Variants in SEM1 observed in about 807,000 individuals in gnomAD.
SEM1 encodes SEM1 26S proteasome subunit, also known as 26S proteasome complex subunit SEM1.
Under a neutral mutation model 12.7 loss-of-function variants are expected in SEM1, and 3 were observed. That is an observed-to-expected ratio of 0.24 (90% CI 0.11 to 0.61). SEM1 has a LOEUF of 0.61. Among genes scored for constraint, SEM1 ranks in the 20% least tolerant of loss-of-function variants. The probability of loss-of-function intolerance (pLI) is 0.88; values close to 1 mark genes in which losing one functional copy is unlikely to be tolerated. For missense variants in SEM1, 59 were observed against 81.3 expected (o/e 0.73, Z 1.06); for synonymous variants, 30 against 27.8 (o/e 1.08, Z -0.25).
At chr7:96,548,303 G>A (rs779054747) in intron 2 of SEM1, among the ~76,000 whole-genome samples, 3 of 152,070 alleles carry the variant, frequency 2.0e-5, no homozygotes, top group Non-Finnish European at 4.4e-5. Flanking sequence ...TCTTTCCTAA[G>A]AGGAGCCAAT....
At chr7:96,682,089 G>T (rs1044393755) in intron 2 of SEM1, among the ~76,000 whole-genome samples, 3 of 152,046 alleles carry the variant, frequency 2.0e-5, no homozygotes, top group Non-Finnish European at 4.4e-5. Flanking sequence ...TCTCCTTGAA[G>T]AGGTCCTTCA....
intron 2 of SEM1, among the ~76,000 whole-genome samples, chr7:96,597,250 A>G (rs1807028343): frequency 1.3e-5 from 2 of 152,178 alleles, no homozygotes; most frequent in Admixed American, 1.3e-4. Context: ...TACGTGAAAT[A>G]ATGCATCTAA....
chr7:96,595,865 C>T (rs931324007), intron 2 of SEM1, among the ~76,000 whole-genome samples: 2 of 152,114 alleles, frequency 1.3e-5, no homozygotes, highest in East Asian at 1.9e-4. Flanking sequence ...TCATAAAACT[C>T]GGTTGCATCC....
At chr7:96,583,728 G>A (rs1212596109) in intron 2 of SEM1, among the ~76,000 whole-genome samples, 2 of 150,710 alleles carry the variant, frequency 1.3e-5, no homozygotes, top group Non-Finnish European at 2.9e-5. Flanking sequence ...ATTATGTAAT[G>A]GCCTTCTTTG....
chr7:96,486,360 C>T (rs555670482), exon 2 of SEM1: 1 of 1,537,050 alleles, frequency 6.5e-7, no homozygotes, highest in Admixed American at 2.0e-5. Context: ...CTTTTTATGC[C>T]ATGCTTTCTT....
At chr7:96,546,725 A>ATTC (rs1805113881) in intron 2 of SEM1, among the ~76,000 whole-genome samples, 1 of 152,098 alleles carries the variant, frequency 6.6e-6, no homozygotes, top group African/African-American at 2.4e-5. Context: ...TTGGAATGAA[A>ATTC]TTCTACTCAC....
intron 2 of SEM1, among the ~76,000 whole-genome samples, chr7:96,517,031 TG>T (rs532130080): frequency 6.6e-6 from 1 of 152,112 alleles, no homozygotes; most frequent in Non-Finnish European, 1.5e-5. Flanking sequence ...GGTAAAACCA[TG>T]GAGACAATAA....
chr7:96,660,924 A>G (rs1205347428), intron 2 of SEM1, among the ~76,000 whole-genome samples: 1 of 152,190 alleles, frequency 6.6e-6, no homozygotes, highest in Non-Finnish European at 1.5e-5. Context: ...GAAAAACGTA[A>G]TTACAAAAAA....
intron 2 of SEM1, among the ~76,000 whole-genome samples, chr7:96,605,548 A>C (rs901067492): frequency 6.6e-6 from 1 of 152,202 alleles, no homozygotes; most frequent in Non-Finnish European, 1.5e-5. Context: ...GCCAAGGTAC[A>C]TTTAGATTGG....
At chr7:96,560,458 C>A (rs147710431) in intron 2 of SEM1, among the ~76,000 whole-genome samples, 410 of 152,120 alleles carry the variant, frequency 2.7e-3, no homozygotes, top group Non-Finnish European at 4.2e-3. Context: ...CAATTAATGT[C>A]TTTTAGTATA....
At chr7:96,560,559 G>T (rs4727339) in intron 2 of SEM1, among the ~76,000 whole-genome samples, 91,861 of 151,842 alleles carry the variant, frequency 0.6, 29,144 homozygotes, top group East Asian at 0.76. Context: ...TTCCAAATAC[G>T]TTTTTTACAT....
chr7:96,508,458 C>G (rs1361450875), intron 2 of SEM1, among the ~76,000 whole-genome samples: 1 of 152,092 alleles, frequency 6.6e-6, no homozygotes, highest in African/African-American at 2.4e-5. Flanking sequence ...TTACAAAATA[C>G]TCCACTCATG....
intron 1 of SEM1, among the ~76,000 whole-genome samples, chr7:96,702,321 C>G (rs1381556401): frequency 6.6e-6 from 1 of 152,098 alleles, no homozygotes; most frequent in African/African-American, 2.4e-5. Flanking sequence ...AGGAATATCC[C>G]AAATGCAATA....
intron 2 of SEM1, among the ~76,000 whole-genome samples, chr7:96,642,107 A>G (rs1195519289): frequency 6.6e-6 from 1 of 152,092 alleles, no homozygotes; most frequent in African/African-American, 2.4e-5. Flanking sequence ...TCACATTTCA[A>G]GGGTTCCATA....
downstream of SEM1, among the ~76,000 whole-genome samples, chr7:96,684,467 TG>T (rs1187690946): frequency 6.8e-6 from 1 of 146,166 alleles, no homozygotes; most frequent in Non-Finnish European, 1.5e-5. Flanking sequence ...TCTAACCGTT[TG>T]GGGGGCGGGG....
intron 2 of SEM1, among the ~76,000 whole-genome samples, chr7:96,666,053 G>C (rs1014771540): frequency 6.6e-6 from 1 of 152,212 alleles, no homozygotes; most frequent in African/African-American, 2.4e-5. Context: ...GTCATTGTGA[G>C]GAAGGGTGAA....
intron 2 of SEM1, among the ~76,000 whole-genome samples, chr7:96,526,274 A>G (rs1163502327): frequency 6.6e-6 from 1 of 152,064 alleles, no homozygotes; most frequent in African/African-American, 2.4e-5. Flanking sequence ...TTAGGCCTAA[A>G]GCATTTATTT....
At chr7:96,693,837 T>C (rs1287710048) in intron 2 of SEM1, among the ~76,000 whole-genome samples, 1 of 151,336 alleles carries the variant, frequency 6.6e-6, no homozygotes, top group Non-Finnish European at 1.5e-5. Context: ...TGAAAACAGG[T>C]ACTCAAATAT....
intron 3 of SEM1, among the ~76,000 whole-genome samples, chr7:96,505,636 T>C (rs1209445187): frequency 6.6e-6 from 1 of 152,132 alleles, no homozygotes; most frequent in African/African-American, 2.4e-5. Context: ...CAACAGAAAT[T>C]GATTTCTCAC....
Sources: gnomAD v4.1 joint callset for allele counts (sites outside exome capture counted in the v4.1 genomes callset) on GRCh38, gnomAD v4.1.1 for gene constraint, MANE v1.5 for transcripts, NCBI Gene and HGNC (gene_info 2026-07-23, HGNC 2026-07-21) for gene names.